LRBA: variants seen among roughly 807,000 people sequenced by gnomAD.
The protein encoded by LRBA is LPS responsive beige-like anchor protein, also known as lipopolysaccharide-responsive and beige-like anchor protein.
In LRBA, 176 loss-of-function variants were observed where a neutral mutation model predicts 330.0. That is an observed-to-expected ratio of 0.53 (90% CI 0.47 to 0.60). The LOEUF (loss-of-function observed/expected upper bound fraction) is 0.60, where lower values mean the gene tolerates loss of function less well. Among genes scored for constraint, LRBA ranks in the 20% least tolerant of loss-of-function variants. LRBA has a pLI of 0.00. For missense variants in LRBA, 3,259 were observed against 3,444.8 expected (o/e 0.95, Z 1.35); for synonymous variants, 1,230 against 1,193.0 (o/e 1.03, Z -0.64).
At chr4:150,628,952 T>C (rs1777109739) in intron 37 of LRBA, among the ~76,000 whole-genome samples, 1 of 152,224 alleles carries the variant, frequency 6.6e-6, no homozygotes, top group Non-Finnish European at 1.5e-5. Context: ...AGCTTGACTG[T>C]AGTGGCTTGA....
At chr4:150,762,334 C>A (rs1735205158) in intron 34 of LRBA, among the ~76,000 whole-genome samples, 1 of 151,756 alleles carries the variant, frequency 6.6e-6, no homozygotes, top group South Asian at 2.1e-4. Context: ...TTGAGCTAAA[C>A]CAGTTTTGAG....
intron 31 of LRBA, among the ~76,000 whole-genome samples, chr4:150,809,593 G>A (rs1743299287): frequency 1.3e-5 from 2 of 152,124 alleles, no homozygotes; most frequent in African/African-American, 4.8e-5. Flanking sequence ...AGTGGCTCAC[G>A]CCAGTAATCC....
intron 40 of LRBA, among the ~76,000 whole-genome samples, chr4:150,576,428 A>G (rs1770556636): frequency 1.3e-5 from 2 of 151,966 alleles, no homozygotes; most frequent in Non-Finnish European, 2.9e-5. Flanking sequence ...ATACTTGCTG[A>G]ATTAACTTGG....
At chr4:151,006,816 C>A (rs1195818540) in intron 2 of LRBA, among the ~76,000 whole-genome samples, 1 of 152,130 alleles carries the variant, frequency 6.6e-6, no homozygotes, top group Non-Finnish European at 1.5e-5. Flanking sequence ...TTCCAGGAAA[C>A]TTTGAAGTTT....
intron 35 of LRBA, among the ~76,000 whole-genome samples, chr4:150,744,500 T>A (rs192481612): frequency 5.8e-4 from 88 of 152,362 alleles, no homozygotes; most frequent in African/African-American, 2.0e-3. Flanking sequence ...AATAAAGGTT[T>A]CATCATTTCA....
At position 150,362,383 on chromosome 4, in the gene LRBA, A is replaced by C. The variant is rs777326232; in HGVS notation, c.7195-12224T>G. On this transcript the variant is annotated intron_variant, in intron 47 of 56. Transcript: ENST00000651943. ...TTGTTCAGTTATTCTATCGGTATCC[A>C]AACTGTTTCTTTATCTCTAAAATTT... Among the ~76,000 whole-genome samples the C allele has an allele frequency of 3.9e-5, 6 of 152,122 alleles. No individual in the cohort carries two copies. In the South Asian group the frequency reaches 1.2e-3, roughly 32 times the overall value.
At chr4:150,625,687 T>TTTTATATA (rs1554067729) in intron 37 of LRBA, among the ~76,000 whole-genome samples, 16 of 144,934 alleles carry the variant, frequency 1.1e-4, no homozygotes, top group African/African-American at 3.8e-4. Flanking sequence ...GGTACCGAGA[T>TTTTATATA]TATATATATA....
At chr4:150,608,051 A>G in intron 37 of LRBA, among the ~76,000 whole-genome samples, 1 of 152,040 alleles carries the variant, frequency 6.6e-6, no homozygotes, top group Non-Finnish European at 1.5e-5. Flanking sequence ...AAAAAAGAAA[A>G]GATACAAAAA....
At chr4:150,540,602 G>T (rs1246631850) in intron 40 of LRBA, among the ~76,000 whole-genome samples, 2 of 152,166 alleles carry the variant, frequency 1.3e-5, no homozygotes, top group South Asian at 2.1e-4. Flanking sequence ...AAAAGCAATT[G>T]TAAGAATGTT....
intron 47 of LRBA, among the ~76,000 whole-genome samples, chr4:150,403,159 T>G (rs959636710): frequency 6.6e-6 from 1 of 152,206 alleles, no homozygotes; most frequent in African/African-American, 2.4e-5. Context: ...AGACTGCCAC[T>G]GCAGGTGCCA....
intron 40 of LRBA, among the ~76,000 whole-genome samples, chr4:150,534,814 G>C (rs185985014): frequency 1.6e-3 from 244 of 152,190 alleles, no homozygotes; most frequent in African/African-American, 5.7e-3. Flanking sequence ...TATATCAGAT[G>C]CCATTGTCTA....
At chr4:150,661,747 A>G (rs1397439285) in intron 37 of LRBA, among the ~76,000 whole-genome samples, 2 of 151,828 alleles carry the variant, frequency 1.3e-5, no homozygotes, top group African/African-American at 4.8e-5. Context: ...TGTAGCTGGG[A>G]TTACAGGAGC....
intron 38 of LRBA, among the ~76,000 whole-genome samples, chr4:150,594,519 C>T (rs1021438408): frequency 2.6e-5 from 4 of 151,968 alleles, no homozygotes; most frequent in Admixed American, 6.6e-5. Context: ...CTTTGGGTTC[C>T]ATTTTAAAGC....
chr4:150,527,678 T>C (rs1469513772), intron 40 of LRBA, among the ~76,000 whole-genome samples: 1 of 152,230 alleles, frequency 6.6e-6, no homozygotes, highest in Non-Finnish European at 1.5e-5. Context: ...TTCTCAGCAC[T>C]ATCCTGCTCT....
chr4:150,938,862 A>G (rs901684576), intron 2 of LRBA, among the ~76,000 whole-genome samples: 8 of 152,192 alleles, frequency 5.3e-5, no homozygotes, highest in Admixed American at 2.0e-4. Context: ...TCTCTGTTCT[A>G]TCAGTTAAAA....
chr4:150,383,216 T>C (rs1034126862), intron 47 of LRBA, among the ~76,000 whole-genome samples: 3 of 152,052 alleles, frequency 2.0e-5, no homozygotes, highest in African/African-American at 7.2e-5. Context: ...AAAGGAAAGG[T>C]TGCTTAAAAT....
At chr4:150,826,710 C>T (rs294535) in intron 30 of LRBA, among the ~76,000 whole-genome samples, 127,821 of 151,826 alleles carry the variant, frequency 0.84, 54,807 homozygotes, top group Non-Finnish European at 0.94. Flanking sequence ...AGTGGTCTAA[C>T]TGCCCTCAAA....
intron 48 of LRBA, among the ~76,000 whole-genome samples, chr4:150,332,626 G>A (rs764072177): frequency 1.3e-5 from 2 of 150,102 alleles, no homozygotes; most frequent in African/African-American, 2.5e-5. Context: ...TCACAGAGCA[G>A]TCTAGTGTTG....
chr4:150,450,258 G>A (rs1391530092), intron 44 of LRBA, among the ~76,000 whole-genome samples: 1 of 152,194 alleles, frequency 6.6e-6, no homozygotes, highest in East Asian at 1.9e-4. Flanking sequence ...TGTATGCACT[G>A]TATTAGTTTC....
Sources: allele counts gnomAD v4.1 joint callset (sites outside exome capture counted in the v4.1 genomes callset), GRCh38; gene constraint gnomAD v4.1.1; transcripts MANE v1.5; gene names NCBI Gene and HGNC (gene_info 2026-07-23, HGNC 2026-07-21).